Variants in SLC6A19 observed in about 807,000 individuals in gnomAD.
SLC6A19 encodes solute carrier family 6 member 19.
In SLC6A19, 67 loss-of-function variants were observed where a neutral mutation model predicts 68.3. The observed-to-expected ratio is 0.98, with a 90% CI of 0.81 to 1.20. The LOEUF (loss-of-function observed/expected upper bound fraction) is 1.20, where lower values mean the gene tolerates loss of function less well. Ranked by LOEUF, SLC6A19 falls within the 50% of genes most tolerant of loss-of-function variation. SLC6A19 has a pLI of 0.00. For synonymous variants in SLC6A19, 392 were observed against 374.9 expected, an observed-to-expected ratio of 1.05 and a Z score of -0.53; for missense variants, 813 against 851.6, an observed-to-expected ratio of 0.95 and a Z score of 0.56.
rs1169284561 is a variant in SLC6A19 at position 1,212,012 on chromosome 5, G to C, written c.482-291G>C. Among the ~76,000 whole-genome samples the C allele has an allele frequency of 2.0e-5, 3 of 150,290 alleles. No individual in the cohort carries two copies. The East Asian group carries it at 5.9e-4, about 30-fold the overall frequency. Reference sequence around the variant, plus strand: ...CGTGCATGTGCGTGCATGTGAGCATGTGTGCCTCTGTGCATGTGTGTGCTG... The same window carrying C: ...CGTGCATGTGCGTGCATGTGAGCATCTGTGCCTCTGTGCATGTGTGTGCTG... On this transcript the variant is annotated intron_variant, in intron 3 of 11. Transcript: ENST00000304460. The surrounding 1 kb of genome is among the most constrained non-coding windows in gnomAD (Gnocchi z 5.1).
chr5:1,216,590 C>T lies in SLC6A19; in HGVS notation c.920C>T (p.Ser307Phe), dbSNP rs912323731. The T allele has an allele frequency of 1.2e-6, 2 of 1,614,164 alleles. No homozygotes were observed. The highest frequency in any genetic ancestry group is 1.6e-4 in the Middle Eastern group (1 of 6,062). ...TGCGAGAAGGACTCGGTGATTGTGT[C>T]CATCATCAACGGCTTCACATCGGTG... is the stretch of plus-strand genomic sequence containing the variant. ...NNCEKDSVIV[S>F]IINGFTSVYV... Residue 307 changes from serine to phenylalanine, a missense_variant, in exon 7 of 12, where the codon TCC (serine) becomes TTC (phenylalanine). Transcript: ENST00000304460.
chr5:1,210,295 G>A (rs139431580), intron 2 of SLC6A19, 149 bp from the exon 3 acceptor site: 43 of 1,120,862 alleles, frequency 3.8e-5, no homozygotes, highest in Middle Eastern at 2.7e-4. Flanking sequence ...GCATGATCCC[G>A]GCCTGCACTG....
intron 1 of SLC6A19, among the ~76,000 whole-genome samples, chr5:1,208,229 G>A (rs1054829975): frequency 6.6e-6 from 1 of 152,130 alleles, no homozygotes; most frequent in African/African-American, 2.4e-5. Context: ...CGATTGCCAG[G>A]AAACAGCCTC....
chr5:1,216,428 C>G lies in SLC6A19; in HGVS notation c.888-130C>G, dbSNP rs116593961. The G allele has an allele frequency of 1.3e-3, 1,845 of 1,366,754 alleles. 19 individuals carry two copies. In the African/African-American group the frequency reaches 0.023, roughly 17 times the overall value. The allele number at this position is 1,366,754 out of a possible 1,614,324, so 84.7% of individuals were successfully genotyped here. A position where few individuals can be genotyped will look rare whatever the true frequency, so the allele number is the denominator to read the frequency against. ...TGGGGCAGGGGCTCCGACTGCCTCC[C>G]CGTGTCACTCAGTGGCTCAGCCTCT... On this transcript the variant is annotated intron_variant, in intron 6 of 11. Coordinates refer to ENST00000304460, the MANE Select transcript of SLC6A19 (RefSeq NM_001003841.3).
rs1746432570 is a variant in SLC6A19, at chr5:1,222,775, T to C, written c.*871T>C. ...ACATGCCTGCCACTCGGGGCCCAGC[T>C]GCCCTCTGTGTTTGTCCTTGCCACA... is the stretch of plus-strand genomic sequence containing the variant. On this transcript the variant is annotated 3_prime_UTR_variant, in exon 12 of 12. Transcript: ENST00000304460. The C allele has an allele frequency of 6.5e-6, 1 of 153,202 alleles. No homozygotes were observed. 9.5% of individuals were successfully genotyped at this position (153,202 alleles called of 1,614,324 possible).
At position 1,224,577 on chromosome 5, in the gene SLC6A19, C is replaced by G. The variant is rs574956379; in HGVS notation, c.*2673C>G. On this transcript the variant is annotated 3_prime_UTR_variant, in exon 12 of 12. Transcript: ENST00000304460. ...CAACCAGCTCTTCTCATCTTCTTCCCTCACACTTCCTCTCACTCAAATAAG... is the reference window on the plus strand; with the variant it reads ...CAACCAGCTCTTCTCATCTTCTTCCGTCACACTTCCTCTCACTCAAATAAG... 7 of 152,494 alleles carry G rather than the reference C, an allele frequency of 4.6e-5. No homozygotes were observed. In the South Asian group the frequency reaches 1.4e-3, roughly 32 times the overall value. 9.4% of individuals were successfully genotyped at this position (152,494 alleles called of 1,614,324 possible).
chr5:1,216,641 T>C lies in SLC6A19; in HGVS notation c.971T>C (p.Val324Ala). 4 of 1,614,010 alleles carry C rather than the reference T, an allele frequency of 2.5e-6. No homozygotes were observed. In the South Asian group the frequency reaches 4.4e-5, roughly 18 times the overall value. Reference sequence around the variant, plus strand: ...TATGTGGCCATCGTGGTCTACTCCGTCATTGGGTTCCGCGCCACACAGCGC... The same window carrying C: ...TATGTGGCCATCGTGGTCTACTCCGCCATTGGGTTCCGCGCCACACAGCGC... ...SVYVAIVVYS[V>A]IGFRATQRYD... The change falls in exon 7 of 12, where the codon GTC becomes GCC. Residue 324 changes from valine (V) to alanine (A), a missense_variant. Transcript: ENST00000304460.
At chr5:1,219,380 C>A in intron 9 of SLC6A19, 125 bp from the exon 10 acceptor site, 2 of 1,383,442 alleles carry the variant, frequency 1.4e-6, no homozygotes, top group South Asian at 1.2e-5. Flanking sequence ...GTGTGTGCAG[C>A]CCCCGGGTGT....
chr5:1,221,562 G>C, intron 11 of SLC6A19, 139 bp from the exon 12 acceptor site: 1 of 1,156,718 alleles, frequency 8.6e-7, no homozygotes, highest in East Asian at 2.5e-5. Context: ...TAGGGGAAAG[G>C]GGAAGCTGGA....
In SLC6A19 at chr5:1,216,952, C is replaced by T. The variant is rs1746228775; in HGVS notation, c.1173+7C>T. On this transcript the variant is annotated splice_region_variant and intron_variant, in intron 8 of 11. Coordinates refer to ENST00000304460, the MANE Select transcript of SLC6A19 (RefSeq NM_001003841.3). ...CAACGCCTTCCTCTCAGAGGTAGGT[C>T]CATTCCGGAGCTCGAGGCAGGGAGA... 1.9e-6 allele frequency: 3 copies of T among 1,612,184 alleles called. No homozygotes were observed. Among genetic ancestry groups the T allele is most frequent in the Non-Finnish European group, 2.5e-6 (3 of 1,179,986 alleles).
Position 1,214,123 on chromosome 5 carries a change from G to T in SLC6A19, c.887+58G>T. ...TCTCAGTCCTGGGGGGATCTTGCTG[G>T]GAGGATAAAAGACAAGGTGGAAAGC... On this transcript the variant is annotated intron_variant, in intron 6 of 11. Transcript: ENST00000304460. The surrounding 1 kb of genome is among the most constrained non-coding windows in gnomAD (Gnocchi z 7.4). 1 of 1,611,854 alleles carries T rather than the reference G, an allele frequency of 6.2e-7. No individual in the cohort carries two copies. Among genetic ancestry groups the T allele is most frequent in the South Asian group, 1.1e-5 (1 of 90,954 alleles).
chr5:1,222,779 C>T lies in SLC6A19; in HGVS notation c.*875C>T, dbSNP rs1031362711. On this transcript the variant is annotated 3_prime_UTR_variant, in exon 12 of 12. Transcript: ENST00000304460. ...GCCTGCCACTCGGGGCCCAGCTGCCCTCTGTGTTTGTCCTTGCCACAGTCA... is the reference window on the plus strand; with the variant it reads ...GCCTGCCACTCGGGGCCCAGCTGCCTTCTGTGTTTGTCCTTGCCACAGTCA... The T allele has an allele frequency of 6.5e-6, 1 of 153,234 alleles. No homozygotes were observed. The highest frequency in any genetic ancestry group is 1.5e-5 in the Non-Finnish European group (1 of 68,738). The allele number at this position is 153,234 out of a possible 1,614,324, so 9.5% of individuals were successfully genotyped here. A position where few individuals can be genotyped will look rare whatever the true frequency, so the allele number is the denominator to read the frequency against.
rs753645823 is a variant in SLC6A19 at position 1,221,743 on chromosome 5, G to A, written c.1744G>A (p.Val582Met). The A allele has an allele frequency of 9.9e-6, 16 of 1,613,972 alleles. No homozygotes were observed. Among genetic ancestry groups the A allele is most frequent in the African/African-American group, 1.3e-5 (1 of 74,930 alleles). Residue 582 changes from valine (V) to methionine (M), a missense_variant, in exon 12 of 12, where the codon GTG (valine) becomes ATG (methionine). Transcript: ENST00000304460. Reference sequence around the variant, plus strand: ...CCAGAAGATCTCCTACCCGAACTGGGTGTATGTGGTGGTGGTGATTGTGGC... The same window carrying A: ...CCAGAAGATCTCCTACCCGAACTGGATGTATGTGGTGGTGGTGATTGTGGC... ...KSQKISYPNW[V>M]YVVVVIVAGV...
Position 1,222,538 on chromosome 5 carries a change from T to C in SLC6A19, c.*634T>C. On this transcript the variant is annotated 3_prime_UTR_variant, in exon 12 of 12. Coordinates refer to ENST00000304460, the MANE Select transcript of SLC6A19 (RefSeq NM_001003841.3). Reference sequence around the variant, plus strand: ...ATATGTGAGCATGTGTACGTGTGTGTATACGTGTGTTGTGTATATGTGTGT... The same window carrying C: ...ATATGTGAGCATGTGTACGTGTGTGCATACGTGTGTTGTGTATATGTGTGT... The C allele has an allele frequency of 5.0e-6, 2 of 396,044 alleles. No homozygotes were observed. Among genetic ancestry groups the C allele is most frequent in the Non-Finnish European group, 9.0e-6 (2 of 222,420 alleles). The allele number at this position is 396,044 out of a possible 1,614,324, so 24.5% of individuals were successfully genotyped here.
In SLC6A19 at chr5:1,214,258, C is replaced by T. The variant is rs1249118217; in HGVS notation, c.887+193C>T. Among the ~76,000 whole-genome samples, 1 of 152,132 alleles carries T rather than the reference C, an allele frequency of 6.6e-6. No homozygotes were observed. The highest frequency in any genetic ancestry group is 2.4e-5 in the African/African-American group (1 of 41,424). ...TGCAGCATGTGGAGGAGGGGCAGGT[C>T]TCCCTGTGAGGAGGGCCAGGAGCCG... On this transcript the variant is annotated intron_variant, in intron 6 of 11. Coordinates refer to ENST00000304460, the MANE Select transcript of SLC6A19 (RefSeq NM_001003841.3). This position sits in a 1 kb window ranked among gnomAD's most constrained non-coding sequence, Gnocchi z 7.4.
chr5:1,220,409 C>G (rs1013987213), intron 10 of SLC6A19, among the ~76,000 whole-genome samples: 1 of 105,698 alleles, frequency 9.5e-6, no homozygotes, highest in African/African-American at 3.8e-5. Context: ...GGCTCCATCT[C>G]AAAAAAAAAA....
Position 1,208,865 on chromosome 5 carries a change from C to T in SLC6A19, c.322C>T (p.His108Tyr). 6.2e-7 allele frequency: 1 copy of T among 1,612,476 alleles called. No individual in the cohort carries two copies. The highest frequency in any genetic ancestry group is 8.5e-7 in the Non-Finnish European group (1 of 1,179,842). ...RGSLGVWSSI[H>Y]PALKGLGLAS... The stretch of plus-strand genomic sequence containing the variant: ...CAGCCTGGGTGTGTGGAGCTCCATC[C>T]ACCCGGCCCTGAAGGGCCTAGGTGA... Residue 108 changes from histidine to tyrosine, a missense_variant, in exon 2 of 12, where the codon CAC becomes TAC. Transcript: ENST00000304460.
rs1226643227 is a variant in SLC6A19 at position 1,222,523 on chromosome 5, A to G, written c.*619A>G. The G allele has an allele frequency of 2.2e-5, 9 of 406,798 alleles. No homozygotes were observed. The highest frequency in any genetic ancestry group is 3.5e-5 in the Non-Finnish European group (8 of 229,592). The allele number at this position is 406,798 out of a possible 1,614,324, so 25.2% of individuals were successfully genotyped here. On this transcript the variant is annotated 3_prime_UTR_variant, in exon 12 of 12. Transcript: ENST00000304460. Reference sequence around the variant, plus strand: ...CTGTGTGACGTGTGTATATGTGAGCATGTGTACGTGTGTGTATACGTGTGT... The same window carrying G: ...CTGTGTGACGTGTGTATATGTGAGCGTGTGTACGTGTGTGTATACGTGTGT...
rs181716751 is a variant in SLC6A19 at position 1,215,569 on chromosome 5, C to T, written c.888-989C>T. 3.0e-4 allele frequency among the ~76,000 whole-genome samples: 45 copies of T among 152,366 alleles called. No individual in the cohort carries two copies. In the East Asian group the frequency reaches 3.7e-3, roughly 12 times the overall value. ...TCCTCAAGGCTCATCCCATCACAGC[C>T]GGCGTCAGAGCGCCATTCCTGTTTA... On this transcript the variant is annotated intron_variant, in intron 6 of 11. Transcript: ENST00000304460. This position sits in a 1 kb window ranked among gnomAD's most constrained non-coding sequence, Gnocchi z 5.1.
Sources: gnomAD v4.1 joint callset for allele counts (sites outside exome capture counted in the v4.1 genomes callset) on GRCh38, gnomAD v4.1.1 for gene constraint, Gnocchi (gnomAD v3.1) non-coding constraint, MANE v1.5 for transcripts, NCBI Gene and HGNC (gene_info 2026-07-23, HGNC 2026-07-21) for gene names.